Variants in NUP214 observed in about 807,000 individuals in gnomAD.
NUP214 encodes nuclear pore complex protein Nup214.
Under a neutral mutation model 196.2 loss-of-function variants are expected in NUP214, and 79 were observed. That is an observed-to-expected ratio of 0.40 (90% CI 0.34 to 0.49). The LOEUF (loss-of-function observed/expected upper bound fraction) is 0.49, where lower values mean the gene tolerates loss of function less well. Ranked by LOEUF, NUP214 falls within the 20% of genes least tolerant of loss-of-function variation. NUP214 has a pLI of 0.58. For missense variants in NUP214, 2,468 were observed against 2,539.0 expected (o/e 0.97, Z 0.60); for synonymous variants, 1,020 against 990.5 (o/e 1.03, Z -0.56).
chr9:131,233,239 G>A (rs1256423247), intron 35 of NUP214, among the ~76,000 whole-genome samples: 2 of 152,076 alleles, frequency 1.3e-5, no homozygotes, highest in African/African-American at 4.8e-5. Flanking sequence ...CTGAGGCTGA[G>A]GCAAAAGAAG....
At chr9:131,222,582 T>A in intron 31 of NUP214, 196 bp from the exon 32 acceptor site, 1 of 510,324 alleles carries the variant, frequency 2.0e-6, no homozygotes, top group Non-Finnish European at 3.4e-6. Context: ...GCCAGAATGA[T>A]TAAAAACTTC....
chr9:131,140,790 G>A, intron 11 of NUP214, 80 bp downstream of exon 11: 2 of 1,381,110 alleles, frequency 1.4e-6, no homozygotes, highest in South Asian at 1.3e-5. Flanking sequence ...AACATGGTGT[G>A]AAGACACATA....
intron 30 of NUP214, among the ~76,000 whole-genome samples, chr9:131,210,963 A>G (rs934162464): frequency 2.0e-5 from 3 of 152,252 alleles, no homozygotes; most frequent in Admixed American, 6.5e-5. Flanking sequence ...ATTAATGACA[A>G]CCTAAATAAA....
chr9:131,222,047 G>T (rs1834573938), intron 31 of NUP214, among the ~76,000 whole-genome samples: 1 of 152,128 alleles, frequency 6.6e-6, no homozygotes, highest in Non-Finnish European at 1.5e-5. Flanking sequence ...AGTGAATTCA[G>T]TGCATAGTTG....
chr9:131,189,050 T>C lies in NUP214; in HGVS notation c.3496-3T>C. 3 of 1,611,178 alleles carry C rather than the reference T, an allele frequency of 1.9e-6. No homozygotes were observed. The highest frequency in any genetic ancestry group is 2.5e-6 in the Non-Finnish European group (3 of 1,177,252). On this transcript the variant is annotated splice_region_variant and splice_polypyrimidine_tract_variant and intron_variant, in intron 25 of 35. Coordinates refer to ENST00000359428, the MANE Select transcript of NUP214 (RefSeq NM_005085.4). The stretch of plus-strand genomic sequence containing the variant: ...TAAACATTTTGCTTGCATTCTGTTA[T>C]AGGGGTCTCTAATAAATTCCCTTAA...
intron 30 of NUP214, among the ~76,000 whole-genome samples, chr9:131,210,484 C>T (rs573928383): frequency 2.2e-4 from 33 of 152,012 alleles, no homozygotes; most frequent in East Asian, 5.8e-4. Context: ...TAAAATTAGC[C>T]GGCATGGTGG....
At chr9:131,177,790 C>A (rs1008625923) in intron 23 of NUP214, among the ~76,000 whole-genome samples, 1 of 152,116 alleles carries the variant, frequency 6.6e-6, no homozygotes, top group African/African-American at 2.4e-5. Flanking sequence ...CATTATTGTC[C>A]AAGCTCCATT....
rs529624907 is a variant in NUP214 at position 131,223,727 on chromosome 9, A to ATTTTT, written c.5902+818_5902+822dup. 7.7e-4 allele frequency among the ~76,000 whole-genome samples: 12 copies of ATTTTT among 15,658 alleles called. 1 individual carries two copies. Among genetic ancestry groups the ATTTTT allele is most frequent in the Non-Finnish European group, 1.0e-3 (7 of 6,968 alleles). 10.3% of individuals were successfully genotyped at this position (15,658 alleles called of 152,430 possible). On this transcript the variant is annotated intron_variant, in intron 32 of 35. Coordinates refer to ENST00000359428, the MANE Select transcript of NUP214 (RefSeq NM_005085.4). Reference sequence around the variant, plus strand: ...TTTTTTTATTTTTATTTATTTATTTATTTTTTTTTTTTTTTTTTTTTTTTT... The same window carrying ATTTTT: ...TTTTTTTATTTTTATTTATTTATTTATTTTTTTTTTTTTTTTTTTTTTTTTTTTTT...
At chr9:131,170,627 C>G (rs1486180459) in intron 21 of NUP214, among the ~76,000 whole-genome samples, 1 of 151,890 alleles carries the variant, frequency 6.6e-6, no homozygotes, top group Non-Finnish European at 1.5e-5. Flanking sequence ...GATGTAGTAT[C>G]GAGAAATACC....
intron 31 of NUP214, among the ~76,000 whole-genome samples, chr9:131,215,897 ATTTTTT>A (rs768564629): frequency 8.1e-6 from 1 of 123,724 alleles, no homozygotes; most frequent in Non-Finnish European, 1.7e-5. Context: ...TCTTTAGCTA[ATTTTTT>A]TTTTTTTTTT....
chr9:131,192,346 A>C, intron 27 of NUP214, 54 bp downstream of exon 27: 1 of 1,036,146 alleles, frequency 9.7e-7, no homozygotes, highest in Non-Finnish European at 1.5e-6. Flanking sequence ...GCTTCCCCAA[A>C]TCTTACAATT....
In NUP214 at chr9:131,134,903, A is replaced by G. The variant is rs142895376; in HGVS notation, c.837A>G (p.Lys279=). The part of the protein sequence containing the change: ...PDVVMALLPK[K]EEKHPEIFVN... The stretch of plus-strand genomic sequence containing the variant: ...TCTTGCTTTGTTCATTGTAGAAAAA[A>G]GAAGAAAAGCACCCAGAGATATTTG... Residue 279 remains lysine (K), a synonymous_variant, in exon 8 of 36, where the codon AAA becomes AAG. Coordinates refer to ENST00000359428, the MANE Select transcript of NUP214 (RefSeq NM_005085.4). The G allele has an allele frequency of 8.1e-5, 131 of 1,611,996 alleles. No individual in the cohort carries two copies. The highest frequency in any genetic ancestry group is 1.9e-4 in the African/African-American group (14 of 75,008).
rs1256249637 is a variant in NUP214 at position 131,132,593 on chromosome 9, C to T, written c.664-3C>T. ...TTTATTTTCCCCTCCAAATCTCTTTCAGACTTTGCAGGAAAAAAAAGTCAT... is the reference window on the plus strand; with the variant it reads ...TTTATTTTCCCCTCCAAATCTCTTTTAGACTTTGCAGGAAAAAAAAGTCAT... On this transcript the variant is annotated splice_polypyrimidine_tract_variant and splice_region_variant and intron_variant, in intron 5 of 35. Transcript: ENST00000359428. The T allele has an allele frequency of 1.6e-5, 26 of 1,613,098 alleles. No individual in the cohort carries two copies. Among genetic ancestry groups the T allele is most frequent in the Non-Finnish European group, 2.1e-5 (25 of 1,179,162 alleles).
chr9:131,142,650 G>A (rs1020273972), intron 11 of NUP214, among the ~76,000 whole-genome samples: 1 of 152,224 alleles, frequency 6.6e-6, no homozygotes. Flanking sequence ...GCATGAAAGT[G>A]TTTTAACATC....
At chr9:131,230,403 G>C in intron 33 of NUP214, 1 of 541,724 alleles carries the variant, frequency 1.8e-6, no homozygotes, top group South Asian at 2.2e-5. Context: ...CACTGGCCAG[G>C]TTGGATTTCA....
chr9:131,155,103 C>T (rs1832395536), intron 17 of NUP214, among the ~76,000 whole-genome samples: 1 of 152,130 alleles, frequency 6.6e-6, no homozygotes, highest in East Asian at 1.9e-4. Context: ...GTTTACATTC[C>T]CAACAGCAGT....
rs75854301 is a variant in NUP214 at position 131,184,352 on chromosome 9, G to C, written c.3420-2937G>C. Among the ~76,000 whole-genome samples, 206 of 103,208 alleles carry C rather than the reference G, an allele frequency of 2.0e-3. 1 individual carries two copies. The highest frequency in any genetic ancestry group is 9.0e-3 in the Admixed American group (85 of 9,404). 67.7% of individuals were successfully genotyped at this position (103,208 alleles called of 152,430 possible). On this transcript the variant is annotated intron_variant, in intron 24 of 35. Transcript: ENST00000359428. ...GCCTCTCTCTTTTTTTTTTTTTTTTGAGATGGAGTCTCGCTCTGTCACTCA... is the reference window on the plus strand; with the variant it reads ...GCCTCTCTCTTTTTTTTTTTTTTTTCAGATGGAGTCTCGCTCTGTCACTCA...
At position 131,196,445 on chromosome 9, in the gene NUP214, G is replaced by A. The variant is rs939775583; in HGVS notation, c.3722-771G>A. Among the ~76,000 whole-genome samples the A allele has an allele frequency of 5.3e-5, 8 of 152,332 alleles. No individual in the cohort carries two copies. The South Asian group carries it at 1.7e-3, about 32-fold the overall frequency. On this transcript the variant is annotated intron_variant, in intron 28 of 35. Transcript: ENST00000359428. ...CAAAGTGCTGGGATTACAGGTGTGA[G>A]CCACCACGCCCGGCCTCGTTACTCT...
At chr9:131,129,202 A>G in intron 3 of NUP214, 77 bp from the exon 4 acceptor site, 1 of 1,221,556 alleles carries the variant, frequency 8.2e-7, no homozygotes. Context: ...TGTATTCAGT[A>G]ATTTCCATTG....
Sources: allele counts gnomAD v4.1 joint callset (sites outside exome capture counted in the v4.1 genomes callset), GRCh38; gene constraint gnomAD v4.1.1; transcripts MANE v1.5; gene names NCBI Gene and HGNC (gene_info 2026-07-23, HGNC 2026-07-21).